The following METTL15 variants were observed in gnomAD, a reference collection of about 807,000 sequenced individuals.
METTL15 encodes the protein methyltransferase 15, mitochondrial 12S rRNA N4-cytidine.
In METTL15, 34 loss-of-function variants were observed where a neutral mutation model predicts 38.3. The observed-to-expected ratio is 0.89, with a 90% CI of 0.68 to 1.18. The LOEUF is 1.18. METTL15 is among the 50% of genes most tolerant of loss of function. The pLI, the probability that METTL15 is intolerant of heterozygous loss-of-function variation, is 0.00. For synonymous variants in METTL15, 162 were observed against 170.9 expected, an observed-to-expected ratio of 0.95 and a Z score of 0.41; for missense variants, 438 against 498.4, an observed-to-expected ratio of 0.88 and a Z score of 1.15.
chr11:28,418,276 C>T (rs1850790293), intron 5 of METTL15, among the ~76,000 whole-genome samples: 1 of 152,172 alleles, frequency 6.6e-6, no homozygotes, highest in Non-Finnish European at 1.5e-5. Flanking sequence ...CAACTGTTAC[C>T]TCCAGGAGCG....
the METTL15 span, among the ~76,000 whole-genome samples, chr11:28,532,468 T>C: frequency 6.6e-6 from 1 of 152,076 alleles, no homozygotes; most frequent in Non-Finnish European, 1.5e-5. Flanking sequence ...ATTTATTGCT[T>C]CATAAAAGCT....
At chr11:28,170,185 C>T (rs1433497852) in intron 3 of METTL15, among the ~76,000 whole-genome samples, 2 of 152,142 alleles carry the variant, frequency 1.3e-5, no homozygotes, top group East Asian at 1.9e-4. Flanking sequence ...AACCAAGTCA[C>T]GGAGCTGTGA....
intron 6 of METTL15, among the ~76,000 whole-genome samples, chr11:28,431,949 GT>G (rs1265783745): frequency 2.0e-5 from 3 of 152,150 alleles, no homozygotes; most frequent in Non-Finnish European, 4.4e-5. Context: ...TCTCCACAGG[GT>G]GCCCATCATA....
chr11:28,195,630 T>G (rs1388994299), intron 3 of METTL15, among the ~76,000 whole-genome samples: 1 of 152,148 alleles, frequency 6.6e-6, no homozygotes, highest in Non-Finnish European at 1.5e-5. Flanking sequence ...GTTGCATAGT[T>G]TGCACATATT....
At chr11:28,401,227 A>G (rs941844582) in intron 5 of METTL15, among the ~76,000 whole-genome samples, 1 of 151,990 alleles carries the variant, frequency 6.6e-6, no homozygotes, top group Non-Finnish European at 1.5e-5. Context: ...TATCTTCACT[A>G]CAATCATTAT....
chr11:28,129,870 G>A (rs139080234), intron 3 of METTL15, among the ~76,000 whole-genome samples: 100 of 152,176 alleles, frequency 6.6e-4, no homozygotes, highest in African/African-American at 2.2e-3. Context: ...ATGCCCAGAA[G>A]ATTTATCTTA....
chr11:28,205,044 GT>G (rs1187519933), intron 3 of METTL15, among the ~76,000 whole-genome samples: 2 of 151,766 alleles, frequency 1.3e-5, no homozygotes, highest in African/African-American at 4.8e-5. Flanking sequence ...ATTTGTTCCT[GT>G]GCATTTCTTT....
chr11:28,480,381 A>T (rs1421787128), intron 6 of METTL15, among the ~76,000 whole-genome samples: 1 of 152,248 alleles, frequency 6.6e-6, no homozygotes, highest in Non-Finnish European at 1.5e-5. Context: ...TCTTACAGAT[A>T]CAATAGATGT....
At chr11:28,432,013 A>C (rs1414473369) in intron 6 of METTL15, among the ~76,000 whole-genome samples, 2 of 152,130 alleles carry the variant, frequency 1.3e-5, no homozygotes, top group Non-Finnish European at 2.9e-5. Flanking sequence ...TCCTTCCATT[A>C]ACACCAGAGT....
chr11:28,212,723 A>G (rs1852693332), intron 4 of METTL15, among the ~76,000 whole-genome samples: 1 of 152,190 alleles, frequency 6.6e-6, no homozygotes, highest in Non-Finnish European at 1.5e-5. Flanking sequence ...CATGTCTAAT[A>G]CAGATGCACG....
intron 6 of METTL15, among the ~76,000 whole-genome samples, chr11:28,328,408 T>A (rs966764670): frequency 6.6e-6 from 1 of 152,144 alleles, no homozygotes; most frequent in African/African-American, 2.4e-5. Context: ...AATATTAATC[T>A]GCTATGCCTG....
intron 5 of METTL15, among the ~76,000 whole-genome samples, chr11:28,379,037 C>G (rs890963265): frequency 2.0e-5 from 3 of 151,886 alleles, no homozygotes; most frequent in Admixed American, 2.0e-4. Context: ...TCTAATGATA[C>G]TTTGTATTTC....
chr11:28,203,791 A>C (rs951033766), intron 3 of METTL15, among the ~76,000 whole-genome samples: 1 of 152,082 alleles, frequency 6.6e-6, no homozygotes, highest in Non-Finnish European at 1.5e-5. Flanking sequence ...TAAAATAAGA[A>C]AAGCTTGTTT....
At chr11:28,294,835 T>C (rs993555167) in intron 5 of METTL15, among the ~76,000 whole-genome samples, 1 of 152,158 alleles carries the variant, frequency 6.6e-6, no homozygotes, top group Non-Finnish European at 1.5e-5. Context: ...AATAAAATTA[T>C]ATGTATTGTC....
intron 4 of METTL15, 21 bp from the exon 5 acceptor site, chr11:28,290,185 A>C (rs752633208): frequency 6.3e-7 from 1 of 1,578,712 alleles, no homozygotes; most frequent in African/African-American, 1.4e-5. Context: ...TGTTTTCTCT[A>C]TCTCCTGGGT....
At chr11:28,413,541 C>T (rs535155984) in intron 5 of METTL15, among the ~76,000 whole-genome samples, 1 of 152,248 alleles carries the variant, frequency 6.6e-6, no homozygotes, top group Admixed American at 6.5e-5. Context: ...ATGGGTCTCA[C>T]GTTCTAATAC....
chr11:28,293,214 T>G (rs1856591272), intron 5 of METTL15, among the ~76,000 whole-genome samples: 1 of 152,302 alleles, frequency 6.6e-6, no homozygotes, highest in East Asian at 1.9e-4. Context: ...CTTTAATCCA[T>G]CTTGAATTAA....
intron 4 of METTL15, among the ~76,000 whole-genome samples, chr11:28,268,025 G>A (rs546510645): frequency 9.2e-5 from 14 of 151,352 alleles, no homozygotes; most frequent in African/African-American, 2.7e-4. Context: ...GTGAAACCCC[G>A]TCTCTACTAA....
At chr11:28,502,952 C>A (rs1438868203) in intron 6 of METTL15, among the ~76,000 whole-genome samples, 1 of 152,152 alleles carries the variant, frequency 6.6e-6, no homozygotes, top group African/African-American at 2.4e-5. Context: ...TAATATCAGT[C>A]AAAACAGGTC....
Sources: gnomAD v4.1 joint callset for allele counts (sites outside exome capture counted in the v4.1 genomes callset) on GRCh38, gnomAD v4.1.1 for gene constraint, MANE v1.5 for transcripts, NCBI Gene and HGNC (gene_info 2026-07-23, HGNC 2026-07-21) for gene names.